Variants in UNC13B observed in about 807,000 individuals in gnomAD.
UNC13B encodes protein unc-13 homolog B.
Under a neutral mutation model 211.0 loss-of-function variants are expected in UNC13B, and 144 were observed. The observed-to-expected ratio is 0.68, with a 90% CI of 0.60 to 0.78. The LOEUF (loss-of-function observed/expected upper bound fraction) is 0.78, where lower values mean the gene tolerates loss of function less well. Ranked by LOEUF, UNC13B falls within the 30% of genes least tolerant of loss-of-function variation. UNC13B has a pLI of 0.00. For synonymous variants in UNC13B, 709 were observed against 725.8 expected, an observed-to-expected ratio of 0.98 and a Z score of 0.37; for missense variants, 1,777 against 2,002.0, an observed-to-expected ratio of 0.89 and a Z score of 2.14.
chr9:35,313,851 T>C (rs751673577), intron 10 of UNC13B, 48 bp from the exon 11 acceptor site: 16 of 1,482,266 alleles, frequency 1.1e-5, no homozygotes, highest in Admixed American at 6.7e-5. Flanking sequence ...CAGTGTCACC[T>C]TGTGGCCTTG....
Position 35,302,036 on chromosome 9 carries a change from T to C in UNC13B, c.2632T>C (p.Leu878=). The part of the protein sequence containing the change: ...SLGHSEKQQE[L]KEKGSIFPLF... ...TGGTCATTCTGAAAAGCAACAGGAG[T>C]TAAAAGAGAAAGGAAGCATTTTTCC... is the stretch of plus-strand genomic sequence containing the variant. Residue 878 remains leucine, a synonymous_variant, in exon 9 of 40, where the codon TTA becomes CTA. Coordinates refer to ENST00000635942, the MANE Select transcript of UNC13B (RefSeq NM_001371189.2). The C allele has an allele frequency of 2.5e-6, 1 of 398,728 alleles. No individual in the cohort carries two copies. Among genetic ancestry groups the C allele is most frequent in the East Asian group, 3.6e-5 (1 of 28,066 alleles). 24.7% of individuals were successfully genotyped at this position (398,728 alleles called of 1,614,324 possible). A position where few individuals can be genotyped will look rare whatever the true frequency, so the allele number is the denominator to read the frequency against.
chr9:35,176,221 G>A (rs1313981381), intron 1 of UNC13B, among the ~76,000 whole-genome samples: 1 of 151,838 alleles, frequency 6.6e-6, no homozygotes, highest in African/African-American at 2.4e-5. Flanking sequence ...GAGAGCTTGA[G>A]GAGAGTGCAA....
chr9:35,275,566 C>G (rs1489920340), intron 7 of UNC13B, among the ~76,000 whole-genome samples: 1 of 152,116 alleles, frequency 6.6e-6, no homozygotes, highest in Non-Finnish European at 1.5e-5. Flanking sequence ...TTTGATTATT[C>G]TTTCCATCCT....
chr9:35,272,263 GT>G (rs531192224), intron 7 of UNC13B, among the ~76,000 whole-genome samples: 40 of 97,204 alleles, frequency 4.1e-4, no homozygotes, highest in East Asian at 8.9e-4. Context: ...TTTTGTTTTT[GT>G]TTTTTTTTTT....
intron 1 of UNC13B, among the ~76,000 whole-genome samples, chr9:35,172,124 C>G (rs573475964): frequency 9.2e-5 from 14 of 151,360 alleles, no homozygotes; most frequent in African/African-American, 3.1e-4. Context: ...CTCCTCCTGC[C>G]TCCGCCTCCC....
At chr9:35,400,729 G>A (rs1836243906) in intron 37 of UNC13B, among the ~76,000 whole-genome samples, 1 of 152,194 alleles carries the variant, frequency 6.6e-6, no homozygotes, top group African/African-American at 2.4e-5. Context: ...ACCCTGACTG[G>A]TAAGCGGCAA....
chr9:35,236,690 C>G, intron 4 of UNC13B, 104 bp downstream of exon 4: 2 of 1,045,502 alleles, frequency 1.9e-6, no homozygotes, highest in Admixed American at 4.0e-5. Context: ...TTGGATTATT[C>G]TTCCCCCTTT....
At chr9:35,401,406 T>C (rs1836292453) in intron 37 of UNC13B, among the ~76,000 whole-genome samples, 1 of 152,210 alleles carries the variant, frequency 6.6e-6, no homozygotes, top group African/African-American at 2.4e-5. Context: ...AGAAGAGCTG[T>C]GAGTCTCACT....
rs1465986259 is a variant in UNC13B at position 35,399,699 on chromosome 9, A to G, written c.12306A>G (p.Ala4102=). ...GGAATCTCACTCCAAAGCAGTGTGC[A>G]GTCCTTGACCTCGCCCTGGACACCA... ...ETRNLTPKQC[A]VLDLALDTIK... The change falls in exon 36 of 40, where the codon GCA becomes GCG. Residue 4102 remains alanine, a synonymous_variant. Transcript: ENST00000635942. 6.2e-6 allele frequency: 10 copies of G among 1,614,140 alleles called. No homozygotes were observed. In the South Asian group the frequency reaches 9.9e-5, roughly 16 times the overall value.
At chr9:35,322,483 C>T (rs1177064354) in intron 11 of UNC13B, among the ~76,000 whole-genome samples, 1 of 152,012 alleles carries the variant, frequency 6.6e-6, no homozygotes, top group Non-Finnish European at 1.5e-5. Context: ...AGAGACAGAA[C>T]AGCAAATAGA....
At chr9:35,386,095 G>T in intron 23 of UNC13B, 70 bp from the exon 24 acceptor site, 1 of 1,599,844 alleles carries the variant, frequency 6.3e-7, no homozygotes, top group Non-Finnish European at 8.5e-7. Flanking sequence ...TAGGTTTGGG[G>T]TAGTGCTAGG....
intron 1 of UNC13B, among the ~76,000 whole-genome samples, chr9:35,186,693 A>G (rs995447875): frequency 1.3e-5 from 2 of 152,136 alleles, no homozygotes; most frequent in African/African-American, 2.4e-5. Flanking sequence ...TCTGATTTAC[A>G]TAGGGCTCAC....
intron 11 of UNC13B, among the ~76,000 whole-genome samples, chr9:35,340,286 G>A (rs1462864073): frequency 6.6e-6 from 1 of 152,116 alleles, no homozygotes; most frequent in African/African-American, 2.4e-5. Context: ...GTAATGAGGT[G>A]GATGGCTAAG....
At chr9:35,261,291 C>CTA (rs1302676456) in intron 7 of UNC13B, among the ~76,000 whole-genome samples, 1 of 152,036 alleles carries the variant, frequency 6.6e-6, no homozygotes, top group African/African-American at 2.4e-5. Flanking sequence ...GCTGCACATG[C>CTA]TATAACACAT....
chr9:35,371,970 CT>C (rs1834155694), intron 13 of UNC13B: 1 of 152,754 alleles, frequency 6.5e-6, no homozygotes, highest in South Asian at 2.1e-4. Context: ...TTCTCATCCT[CT>C]TTAAAAGTCT....
intron 7 of UNC13B, among the ~76,000 whole-genome samples, chr9:35,287,785 T>C (rs936465476): frequency 6.6e-6 from 1 of 152,216 alleles, no homozygotes; most frequent in African/African-American, 2.4e-5. Context: ...TTGGAACATA[T>C]AGTCTGAAAA....
intron 7 of UNC13B, among the ~76,000 whole-genome samples, chr9:35,270,341 G>A (rs1587510048): frequency 9.2e-5 from 2 of 21,800 alleles, no homozygotes; most frequent in Non-Finnish European, 1.5e-4. Context: ...GTATATATAT[G>A]TGTGTGTGTG....
In UNC13B at chr9:35,304,888, T is replaced by C; in HGVS notation, c.5484T>C (p.Val1828=). The C allele has an allele frequency of 2.5e-6, 1 of 398,952 alleles. No homozygotes were observed. The highest frequency in any genetic ancestry group is 3.6e-5 in the East Asian group (1 of 28,072). 24.7% of individuals were successfully genotyped at this position (398,952 alleles called of 1,614,324 possible). The change falls in exon 9 of 40, where the codon GTT becomes GTC. Residue 1828 remains valine, a synonymous_variant. Transcript: ENST00000635942. ...CAGAAAGACAGATAGTATCCAATGT[T>C]CAGCATCCAGAATTGATCAAAAATA... ...KDSERQIVSN[V]QHPELIKNIR... is the part of the protein sequence containing the mutation.
intron 18 of UNC13B, 148 bp downstream of exon 18, chr9:35,380,787 G>C (rs1163437561): frequency 1.2e-4 from 135 of 1,095,826 alleles, no homozygotes; most frequent in Non-Finnish European, 1.1e-4. Context: ...CTGTGGGGAG[G>C]GATGGGGGAC....
Sources: allele counts gnomAD v4.1 joint callset (sites outside exome capture counted in the v4.1 genomes callset), GRCh38; gene constraint gnomAD v4.1.1; transcripts MANE v1.5; gene names NCBI Gene and HGNC (gene_info 2026-07-23, HGNC 2026-07-21).